Variants in DCAF6 observed in about 807,000 individuals in gnomAD.
DCAF6 encodes DDB1 and CUL4 associated factor 6.
A neutral mutation model predicts 125.1 loss-of-function variants in DCAF6; 54 were observed. That is an observed-to-expected ratio of 0.43 (90% CI 0.35 to 0.54). DCAF6 has a LOEUF of 0.54. Among genes scored for constraint, DCAF6 ranks in the 20% least tolerant of loss-of-function variants. DCAF6 has a pLI of 0.01. For synonymous variants in DCAF6, 371 were observed against 390.4 expected, an observed-to-expected ratio of 0.95 and a Z score of 0.58; for missense variants, 934 against 1,161.7, an observed-to-expected ratio of 0.80 and a Z score of 2.85.
intron 17 of DCAF6, among the ~76,000 whole-genome samples, chr1:168,051,532 C>T (rs762775542): frequency 1.3e-5 from 2 of 152,178 alleles, no homozygotes; most frequent in Non-Finnish European, 2.9e-5. Flanking sequence ...TACTGAAAAC[C>T]TGTTTTGCTG....
At position 168,049,646 on chromosome 1, in the gene DCAF6, A is replaced by ATTTTT. The variant is rs756012977; in HGVS notation, c.2259-1224_2259-1220dup. 7.8e-4 allele frequency among the ~76,000 whole-genome samples: 70 copies of ATTTTT among 90,292 alleles called. 13 individuals are homozygous for ATTTTT. Among genetic ancestry groups the ATTTTT allele is most frequent in the African/African-American group, 2.8e-3 (51 of 18,448 alleles). 59.2% of individuals were successfully genotyped at this position (90,292 alleles called of 152,430 possible). A position where few individuals can be genotyped will look rare whatever the true frequency, so the allele number is the denominator to read the frequency against. ...TCTCTGTTTAGATAATCTGCATATA[A>ATTTTT]TTTTTTTTTTTTTTTTTTTTTTTTT... On this transcript the variant is annotated intron_variant, in intron 16 of 21. Transcript: ENST00000367840.
the DCAF6 span, among the ~76,000 whole-genome samples, chr1:167,868,460 C>T: frequency 6.6e-6 from 1 of 152,190 alleles, no homozygotes; most frequent in Non-Finnish European, 1.5e-5. Context: ...ACCACAAAAA[C>T]AGTTACATGG....
rs115700732 is a variant in DCAF6, at chr1:168,014,220, C to T, written c.1379-1561C>T. ...ATTATTTAACTAAAATAGCTCTTGT[C>T]GAGGTCATCAATGACTTCCATCATA... On this transcript the variant is annotated intron_variant, in intron 10 of 21. Coordinates refer to ENST00000367840, the MANE Select transcript of DCAF6 (RefSeq NM_001198956.2). Among the ~76,000 whole-genome samples the T allele has an allele frequency of 2.1e-3, 319 of 152,232 alleles. 2 individuals carry two copies. The highest frequency in any genetic ancestry group is 7.2e-3 in the African/African-American group (297 of 41,534).
intron 17 of DCAF6, chr1:168,056,109 C>T (rs1690722496): frequency 1.9e-6 from 3 of 1,594,572 alleles, no homozygotes; most frequent in Non-Finnish European, 2.6e-6. Flanking sequence ...AGCTTTCACA[C>T]TTTCCAAAGC....
intron 3 of DCAF6, chr1:167,968,642 G>A (rs933334392): frequency 6.6e-6 from 1 of 152,358 alleles, no homozygotes; most frequent in Admixed American, 6.5e-5. Flanking sequence ...GCAGGACTCT[G>A]GTGCTATGGT....
At chr1:167,895,252 T>C in the DCAF6 span, among the ~76,000 whole-genome samples, 1 of 151,904 alleles carries the variant, frequency 6.6e-6, no homozygotes, top group Non-Finnish European at 1.5e-5. Flanking sequence ...AAACCCTTTA[T>C]AGAAGGTACC....
intron 4 of DCAF6, among the ~76,000 whole-genome samples, chr1:167,978,402 G>A (rs1678575081): frequency 6.6e-6 from 1 of 152,146 alleles, no homozygotes; most frequent in African/African-American, 2.4e-5. Context: ...CTACTTTGGT[G>A]GATGTATAGT....
At chr1:167,935,719 T>C (rs1432285495), upstream of DCAF6, 1 of 1,552,012 alleles carries the variant, frequency 6.4e-7, no homozygotes, top group East Asian at 2.4e-5. Flanking sequence ...AAGGAGCCAT[T>C]CAGGGTCCAT....
chr1:168,046,520 T>C (rs1169746736), intron 16 of DCAF6, among the ~76,000 whole-genome samples: 2 of 152,150 alleles, frequency 1.3e-5, no homozygotes, highest in African/African-American at 2.4e-5. Context: ...ATGGCACTTT[T>C]TTTGTAGATA....
the DCAF6 span, among the ~76,000 whole-genome samples, chr1:167,872,050 A>G: frequency 2.6e-5 from 4 of 152,102 alleles, no homozygotes; most frequent in African/African-American, 9.6e-5. Context: ...AAAAAATAAT[A>G]AAGTTTCCAG....
intron 12 of DCAF6, among the ~76,000 whole-genome samples, chr1:168,025,689 C>G (rs1571993312): frequency 6.6e-6 from 1 of 152,208 alleles, no homozygotes; most frequent in South Asian, 2.1e-4. Flanking sequence ...CCATTTGTCT[C>G]TCCTAGATTA....
chr1:167,865,190 AG>A, the DCAF6 span, among the ~76,000 whole-genome samples: 3 of 152,232 alleles, frequency 2.0e-5, no homozygotes, highest in Non-Finnish European at 4.4e-5. Context: ...TTTGGTAAAA[AG>A]ATTAGAAGGA....
intron 4 of DCAF6, among the ~76,000 whole-genome samples, chr1:167,983,295 G>A (rs1679481606): frequency 6.6e-6 from 1 of 152,180 alleles, no homozygotes; most frequent in South Asian, 2.1e-4. Context: ...CAATCCGTGA[G>A]CATGAAATAA....
In DCAF6 at chr1:167,994,317, A is replaced by G. The variant is rs534059570; in HGVS notation, c.903+877A>G. Among the ~76,000 whole-genome samples the G allele has an allele frequency of 9.2e-5, 14 of 152,308 alleles. 1 individual carries two copies. The South Asian group carries it at 1.7e-3, about 18-fold the overall frequency. On this transcript the variant is annotated intron_variant, in intron 7 of 21. Coordinates refer to ENST00000367840, the MANE Select transcript of DCAF6 (RefSeq NM_001198956.2). ...GCAGCAAGAAAGATCAACAGTGCTA[A>G]CACTTGCAGAAAAGGCGATTAAAAT...
upstream of DCAF6, among the ~76,000 whole-genome samples, chr1:167,933,349 T>C (rs147637651): frequency 4.5e-3 from 688 of 152,208 alleles, 4 homozygotes; most frequent in African/African-American, 0.015. Context: ...TGTATTTTAG[T>C]AGAGATAGGG....
At chr1:168,040,847 T>C (rs576833506) in intron 13 of DCAF6, among the ~76,000 whole-genome samples, 1 of 150,084 alleles carries the variant, frequency 6.7e-6, no homozygotes, top group South Asian at 2.1e-4. Context: ...GAAAAGCAGT[T>C]AGCATTTTTT....
chr1:167,892,850 T>C, the DCAF6 span, among the ~76,000 whole-genome samples: 1 of 152,110 alleles, frequency 6.6e-6, no homozygotes, highest in Non-Finnish European at 1.5e-5. Flanking sequence ...TGTGCAAAAA[T>C]TGTAGAAGTC....
chr1:167,895,446 T>C, the DCAF6 span, among the ~76,000 whole-genome samples: 16 of 152,172 alleles, frequency 1.1e-4, no homozygotes, highest in African/African-American at 3.6e-4. Flanking sequence ...ATTTGTAACA[T>C]CTAAAATACT....
the DCAF6 span, chr1:167,875,162 G>A: frequency 6.2e-7 from 1 of 1,614,170 alleles, no homozygotes; most frequent in Non-Finnish European, 8.5e-7. Context: ...TTCTGTTGCA[G>A]ATGAGGCACG....
Sources: gnomAD v4.1 joint callset for allele counts (sites outside exome capture counted in the v4.1 genomes callset) on GRCh38, gnomAD v4.1.1 for gene constraint, MANE v1.5 for transcripts, NCBI Gene and HGNC (gene_info 2026-07-23, HGNC 2026-07-21) for gene names.